The following TTL variants were observed in gnomAD, a reference collection of about 807,000 sequenced individuals.
TTL encodes the protein tubulin--tyrosine ligase.
A neutral mutation model predicts 41.1 loss-of-function variants in TTL; 10 were observed. That is an observed-to-expected ratio of 0.24 (90% CI 0.15 to 0.41). TTL has a LOEUF of 0.41. Among genes scored for constraint, TTL ranks in the 10% least tolerant of loss-of-function variants. The pLI, the probability that TTL is intolerant of heterozygous loss-of-function variation, is 1.00. For missense variants in TTL, 367 were observed against 460.4 expected, an observed-to-expected ratio of 0.80 and a Z score of 1.86; for synonymous variants, 175 against 175.5, an observed-to-expected ratio of 1.00 and a Z score of 0.02.
intron 6 of TTL, among the ~76,000 whole-genome samples, chr2:112,524,985 A>G (rs886632721): frequency 4.6e-5 from 7 of 152,108 alleles, no homozygotes; most frequent in African/African-American, 1.7e-4. Flanking sequence ...TAAGGAAGGG[A>G]TCCAGTTTCA....
chr2:112,528,033 G>T (rs973880427), intron 6 of TTL, among the ~76,000 whole-genome samples: 1 of 152,142 alleles, frequency 6.6e-6, no homozygotes, highest in Non-Finnish European at 1.5e-5. Flanking sequence ...CTTAGCATTT[G>T]CTTGTCTGTA....
rs1682616914 is a variant in TTL, at chr2:112,537,351, G to A, written c.*8556G>A. The A allele has an allele frequency of 6.6e-6, 1 of 152,404 alleles. No individual in the cohort carries two copies. Among genetic ancestry groups the A allele is most frequent in the Non-Finnish European group, 1.5e-5 (1 of 68,176 alleles). The allele number at this position is 152,404 out of a possible 1,614,324, so 9.4% of individuals were successfully genotyped here. A position where few individuals can be genotyped will look rare whatever the true frequency, so the allele number is the denominator to read the frequency against. ...CTGCCTCAGCCTCCCAAAGTGCTGG[G>A]ATTACAGGCATGAGCCACCATGCCC... On this transcript the variant is annotated 3_prime_UTR_variant, in exon 7 of 7. Coordinates refer to ENST00000233336, the MANE Select transcript of TTL (RefSeq NM_153712.5).
At chr2:112,490,654 C>T (rs947754925) in intron 2 of TTL, among the ~76,000 whole-genome samples, 3 of 143,788 alleles carry the variant, frequency 2.1e-5, no homozygotes, top group Non-Finnish European at 3.0e-5. Context: ...CTCACTACAA[C>T]CTCTGCCTCC....
chr2:112,526,775 GTC>G (rs1333024766), intron 6 of TTL, among the ~76,000 whole-genome samples: 1 of 151,142 alleles, frequency 6.6e-6, no homozygotes, highest in East Asian at 1.9e-4. Context: ...GGTTTTTTGT[GTC>G]TCTATCTCCT....
At chr2:112,523,952 A>G (rs1682310045) in intron 6 of TTL, among the ~76,000 whole-genome samples, 3 of 151,438 alleles carry the variant, frequency 2.0e-5, no homozygotes, top group Admixed American at 6.6e-5. Flanking sequence ...CCATCCCCCA[A>G]CCCCACAACA....
At chr2:112,488,721 G>A (rs1681305043) in intron 2 of TTL, among the ~76,000 whole-genome samples, 1 of 150,564 alleles carries the variant, frequency 6.6e-6, no homozygotes, top group Non-Finnish European at 1.5e-5. Context: ...TCATGCCACT[G>A]CACTCCAGCT....
rs1682513855 is a variant in TTL at position 112,531,732 on chromosome 2, T to C, written c.*2937T>C. 4.5e-6 allele frequency: 1 copy of C among 223,268 alleles called. No individual in the cohort carries two copies. Among genetic ancestry groups the C allele is most frequent in the Non-Finnish European group, 8.9e-6 (1 of 111,884 alleles). The allele number at this position is 223,268 out of a possible 1,614,324, so 13.8% of individuals were successfully genotyped here. A position where few individuals can be genotyped will look rare whatever the true frequency, so the allele number is the denominator to read the frequency against. On this transcript the variant is annotated 3_prime_UTR_variant, in exon 7 of 7. Coordinates refer to ENST00000233336, the MANE Select transcript of TTL (RefSeq NM_153712.5). ...GGAAACACAAGCATTTCTTTAAGGA[T>C]GACCGGATGTTGCCGTATGTATTTA...
At chr2:112,521,101 TG>T (rs1399179696) in intron 6 of TTL, 7 of 852,160 alleles carry the variant, frequency 8.2e-6, no homozygotes, top group East Asian at 1.2e-4. Context: ...ATCTTAGACA[TG>T]GGGGGTCTGG....
At chr2:112,495,946 C>A (rs1398689206) in intron 3 of TTL, among the ~76,000 whole-genome samples, 1 of 152,202 alleles carries the variant, frequency 6.6e-6, no homozygotes, top group East Asian at 1.9e-4. Context: ...GGGACCTCAC[C>A]TTCTTTTCCA....
intron 6 of TTL, among the ~76,000 whole-genome samples, chr2:112,520,974 G>T (rs1471054623): frequency 6.6e-6 from 1 of 152,118 alleles, no homozygotes; most frequent in African/African-American, 2.4e-5. Context: ...TGCCATGAGA[G>T]TGTTAAAGTT....
chr2:112,496,514 C>T (rs1681526592), intron 3 of TTL, among the ~76,000 whole-genome samples: 3 of 152,070 alleles, frequency 2.0e-5, no homozygotes, highest in Non-Finnish European at 4.4e-5. Context: ...TCACCTGGAG[C>T]GTGGGAACAC....
chr2:112,523,352 G>GTGTGTGTA (rs2104476124), intron 6 of TTL, among the ~76,000 whole-genome samples: 1 of 151,126 alleles, frequency 6.6e-6, no homozygotes, highest in South Asian at 2.1e-4. Context: ...GTGTGTGTCT[G>GTGTGTGTA]TGTGTGTGTG....
chr2:112,497,908 G>T (rs1400132389), intron 3 of TTL, among the ~76,000 whole-genome samples: 2 of 152,234 alleles, frequency 1.3e-5, no homozygotes, highest in Non-Finnish European at 2.9e-5. Flanking sequence ...GTTATAATAA[G>T]AAGTGGTGAC....
chr2:112,496,484 A>G (rs1681525928), intron 3 of TTL, among the ~76,000 whole-genome samples: 1 of 152,054 alleles, frequency 6.6e-6, no homozygotes, highest in Non-Finnish European at 1.5e-5. Context: ...GCCTATTTCT[A>G]ATCTAGCCAC....
At chr2:112,515,219 G>A (rs1426108028) in intron 5 of TTL, among the ~76,000 whole-genome samples, 1 of 152,178 alleles carries the variant, frequency 6.6e-6, no homozygotes, top group African/African-American at 2.4e-5. Context: ...AGTATGCCCT[G>A]TGTATGGGCT....
intron 5 of TTL, among the ~76,000 whole-genome samples, chr2:112,511,105 C>T (rs189057019): frequency 3.9e-5 from 6 of 152,006 alleles, no homozygotes; most frequent in Admixed American, 3.9e-4. Flanking sequence ...GCAGCCTTAA[C>T]CTCCTGGGCT....
chr2:112,534,060 G>C lies in TTL; in HGVS notation c.*5265G>C, dbSNP rs1173381256. 1.3e-5 allele frequency: 2 copies of C among 152,128 alleles called. No homozygotes were observed. The highest frequency in any genetic ancestry group is 2.4e-5 in the African/African-American group (1 of 41,424). 9.4% of individuals were successfully genotyped at this position (152,128 alleles called of 1,614,324 possible). On this transcript the variant is annotated 3_prime_UTR_variant, in exon 7 of 7. Transcript: ENST00000233336. ...CAGCAATCCATTTATTCAAGAAAAG[G>C]CCTGTAATCCCAGCACTTCGGGAGG...
intron 6 of TTL, chr2:112,520,659 A>C: frequency 2.0e-6 from 1 of 502,702 alleles, no homozygotes; most frequent in Non-Finnish European, 3.5e-6. Context: ...TAATCCCAGC[A>C]CTTTGGGAGG....
intron 3 of TTL, among the ~76,000 whole-genome samples, chr2:112,497,441 G>A (rs1004894711): frequency 6.6e-6 from 1 of 152,148 alleles, no homozygotes; most frequent in African/African-American, 2.4e-5. Flanking sequence ...TCAAAGGGCC[G>A]TGAGCTAACA....
Sources: allele counts gnomAD v4.1 joint callset (sites outside exome capture counted in the v4.1 genomes callset), GRCh38; gene constraint gnomAD v4.1.1; transcripts MANE v1.5; gene names NCBI Gene and HGNC (gene_info 2026-07-23, HGNC 2026-07-21).